Variants in GALNT10 observed in about 807,000 individuals in gnomAD.
GALNT10 encodes polypeptide N-acetylgalactosaminyltransferase 10, also known as GalNAc transferase 10.
In GALNT10, 41 loss-of-function variants were observed where a neutral mutation model predicts 75.0. The observed-to-expected ratio is 0.55, with a 90% CI of 0.43 to 0.71. The LOEUF is 0.71. GALNT10 is among the 30% of genes least tolerant of loss of function. GALNT10 has a pLI of 0.00. For missense variants in GALNT10, 727 were observed against 818.5 expected (o/e 0.89, Z 1.36); for synonymous variants, 302 against 313.0 (o/e 0.96, Z 0.37).
At chr5:154,218,847 G>A (rs1291132260) in intron 1 of GALNT10, among the ~76,000 whole-genome samples, 3 of 152,092 alleles carry the variant, frequency 2.0e-5, no homozygotes, top group African/African-American at 4.8e-5. Flanking sequence ...GGCTTTCCCC[G>A]AGAGTCAGTG....
At chr5:154,271,381 G>T (rs1358031500) in intron 1 of GALNT10, among the ~76,000 whole-genome samples, 1 of 152,128 alleles carries the variant, frequency 6.6e-6, no homozygotes, top group Admixed American at 6.5e-5. Flanking sequence ...CAGGAGAATC[G>T]CTTGAACCCC....
intron 1 of GALNT10, among the ~76,000 whole-genome samples, chr5:154,242,881 G>GT (rs1010883389): frequency 6.6e-6 from 1 of 152,190 alleles, no homozygotes; most frequent in African/African-American, 2.4e-5. Context: ...TCTAGTTACT[G>GT]TTTTCAGCCC....
chr5:154,341,172 T>C (rs1755027224), intron 4 of GALNT10, among the ~76,000 whole-genome samples: 1 of 152,066 alleles, frequency 6.6e-6, no homozygotes, highest in African/African-American at 2.4e-5. Flanking sequence ...TGTAAAGTAT[T>C]CACAGATGCA....
chr5:154,396,435 T>C (rs1031059548), intron 7 of GALNT10, among the ~76,000 whole-genome samples: 5 of 152,122 alleles, frequency 3.3e-5, no homozygotes, highest in Non-Finnish European at 7.4e-5. Flanking sequence ...CCCTTTGTTC[T>C]GCAGACAATA....
At position 154,413,333 on chromosome 5, in the gene GALNT10, G is replaced by A. The variant is rs139550383; in HGVS notation, c.1503+328G>A. ...CTCAAGAGAGTGCTTCCCTCTCTGC[G>A]GGCCTCATTCTCAACCTGGCCCTTC... On this transcript the variant is annotated intron_variant, in intron 10 of 11. Transcript: ENST00000297107. Among the ~76,000 whole-genome samples, 277 of 152,266 alleles carry A rather than the reference G, an allele frequency of 1.8e-3. 1 individual carries two copies. The highest frequency in any genetic ancestry group is 3.1e-3 in the Non-Finnish European group (209 of 68,014).
At chr5:154,206,777 C>T (rs1488230711) in intron 1 of GALNT10, among the ~76,000 whole-genome samples, 1 of 152,178 alleles carries the variant, frequency 6.6e-6, no homozygotes, top group African/African-American at 2.4e-5. Context: ...GTCACAGGGT[C>T]CCTGATTGCT....
chr5:154,220,010 A>C (rs1269750144), intron 1 of GALNT10: 1 of 152,218 alleles, frequency 6.6e-6, no homozygotes, highest in Non-Finnish European at 1.5e-5. Context: ...TGTCCTAAAC[A>C]GATCTGATCT....
intron 1 of GALNT10, among the ~76,000 whole-genome samples, chr5:154,214,764 G>T (rs976704086): frequency 6.6e-6 from 1 of 152,150 alleles, no homozygotes; most frequent in Non-Finnish European, 1.5e-5. Flanking sequence ...TTATGAAACT[G>T]TACTTTTCAG....
intron 3 of GALNT10, among the ~76,000 whole-genome samples, chr5:154,317,048 G>T (rs533920559): frequency 1.7e-3 from 264 of 152,272 alleles, no homozygotes; most frequent in Middle Eastern, 3.4e-3. Flanking sequence ...CATTCTCATG[G>T]TGTTACCATC....
At chr5:154,206,724 A>C (rs1342525702) in intron 1 of GALNT10, among the ~76,000 whole-genome samples, 1 of 152,234 alleles carries the variant, frequency 6.6e-6, no homozygotes, top group African/African-American at 2.4e-5. Flanking sequence ...CTGAAACTTC[A>C]CGTGTCTGTT....
intron 1 of GALNT10, among the ~76,000 whole-genome samples, chr5:154,244,355 C>T (rs1753387783): frequency 6.6e-6 from 1 of 151,828 alleles, no homozygotes; most frequent in Non-Finnish European, 1.5e-5. Flanking sequence ...TTGCTTGAGG[C>T]TGGGTATTTA....
At chr5:154,334,097 C>T (rs1435541628) in intron 4 of GALNT10, among the ~76,000 whole-genome samples, 2 of 152,228 alleles carry the variant, frequency 1.3e-5, no homozygotes, top group African/African-American at 2.4e-5. Context: ...ATGCTAACTA[C>T]AAGCTAGATT....
chr5:154,218,832 G>A (rs1410252233), intron 1 of GALNT10, among the ~76,000 whole-genome samples: 1 of 152,178 alleles, frequency 6.6e-6, no homozygotes, highest in East Asian at 1.9e-4. Context: ...GAAGACAGAA[G>A]CCTTGGCTTT....
Position 154,199,211 on chromosome 5 carries a change from A to G in GALNT10, c.159+8186A>G, listed in dbSNP as rs1260273054. 2.0e-5 allele frequency among the ~76,000 whole-genome samples: 3 copies of G among 152,166 alleles called. 1 individual carries two copies. Among genetic ancestry groups the G allele is most frequent in the African/African-American group, 7.2e-5 (3 of 41,436 alleles). On this transcript the variant is annotated intron_variant, in intron 1 of 11. Coordinates refer to ENST00000297107, the MANE Select transcript of GALNT10 (RefSeq NM_198321.4). Reference sequence around the variant, plus strand: ...GGAGCCTGTTAAGGATGGTGACACCAGGATCCATGCCCAAAGAGCATGAAG... The same window carrying G: ...GGAGCCTGTTAAGGATGGTGACACCGGGATCCATGCCCAAAGAGCATGAAG...
rs1227923761 is a variant in GALNT10, at chr5:154,418,295, A to T, written c.*1323A>T. 6.6e-6 allele frequency: 1 copy of T among 152,236 alleles called. No homozygotes were observed. Among genetic ancestry groups the T allele is most frequent in the South Asian group, 2.1e-4 (1 of 4,834 alleles). The allele number at this position is 152,236 out of a possible 1,614,324, so 9.4% of individuals were successfully genotyped here. On this transcript the variant is annotated 3_prime_UTR_variant, in exon 12 of 12. Transcript: ENST00000297107. ...CCACCATCATCACAACTGTAGTCTC[A>T]TTTGCAGTGGAGAAAAGAACCCGAC...
In GALNT10 at chr5:154,328,154, G is replaced by A. The variant is rs188944482; in HGVS notation, c.402-1418G>A. 4.7e-4 allele frequency among the ~76,000 whole-genome samples: 71 copies of A among 152,070 alleles called. 1 individual carries two copies. Among genetic ancestry groups the A allele is most frequent in the Admixed American group, 4.2e-3 (64 of 15,278 alleles). On this transcript the variant is annotated intron_variant, in intron 3 of 11. Transcript: ENST00000297107. Reference sequence around the variant, plus strand: ...GAGACGCATGAGCTGTATGCAGTACGTGGACCTTGTTTTGATCCTGTATTA... The same window carrying A: ...GAGACGCATGAGCTGTATGCAGTACATGGACCTTGTTTTGATCCTGTATTA...
chr5:154,408,353 G>A (rs954672925), intron 8 of GALNT10, among the ~76,000 whole-genome samples: 3 of 152,160 alleles, frequency 2.0e-5, no homozygotes, highest in African/African-American at 7.2e-5. Context: ...GATTGCAATA[G>A]GGAAAAAACT....
intron 1 of GALNT10, among the ~76,000 whole-genome samples, chr5:154,282,104 C>T (rs919124491): frequency 6.6e-6 from 1 of 152,196 alleles, no homozygotes; most frequent in African/African-American, 2.4e-5. Flanking sequence ...CAGGTGAGGG[C>T]TTTCTTGCTG....
At chr5:154,382,173 C>G (rs1012981151) in intron 6 of GALNT10, among the ~76,000 whole-genome samples, 1 of 152,158 alleles carries the variant, frequency 6.6e-6, no homozygotes, top group Non-Finnish European at 1.5e-5. Context: ...TGAGAGGAAC[C>G]CCTAACACTA....
Sources: allele counts gnomAD v4.1 joint callset (sites outside exome capture counted in the v4.1 genomes callset), GRCh38; gene constraint gnomAD v4.1.1; transcripts MANE v1.5; gene names NCBI Gene and HGNC (gene_info 2026-07-23, HGNC 2026-07-21).